NRG1: variants seen among roughly 807,000 people sequenced by gnomAD.
NRG1 encodes neuregulin 1.
Under a neutral mutation model 63.8 loss-of-function variants are expected in NRG1, and 18 were observed. That is an observed-to-expected ratio of 0.28 (90% CI 0.19 to 0.42). The LOEUF is 0.42. Among genes scored for constraint, NRG1 ranks in the 10% least tolerant of loss-of-function variants. The pLI is 1.00. For synonymous variants in NRG1, 302 were observed against 301.3 expected, an observed-to-expected ratio of 1.00 and a Z score of -0.02; for missense variants, 762 against 814.7, an observed-to-expected ratio of 0.94 and a Z score of 0.79.
chr8:32,036,627 C>G (rs1349525196), intron 1 of NRG1, among the ~76,000 whole-genome samples: 1 of 152,150 alleles, frequency 6.6e-6, no homozygotes, highest in Non-Finnish European at 1.5e-5. Context: ...TTTGTTCATT[C>G]CTTTTCATTC....
chr8:31,663,455 A>G (rs1400336612), intron 1 of NRG1, among the ~76,000 whole-genome samples: 5 of 152,096 alleles, frequency 3.3e-5, no homozygotes, highest in African/African-American at 9.7e-5. Context: ...AGGAGGGGCC[A>G]TTCTTTTTTG....
chr8:32,545,937 C>G (rs1041471126), upstream of NRG1, among the ~76,000 whole-genome samples: 1 of 151,882 alleles, frequency 6.6e-6, no homozygotes, highest in Non-Finnish European at 1.5e-5. Flanking sequence ...CTGTCTTTTC[C>G]CCTCCATCAC....
chr8:32,749,607 T>G (rs1489039151), intron 7 of NRG1: 1 of 1,612,152 alleles, frequency 6.2e-7, no homozygotes, highest in Non-Finnish European at 8.5e-7. Context: ...CATCATTCCT[T>G]TTAGCCTGCA....
At chr8:32,000,300 A>G (rs1812709359) in intron 1 of NRG1, among the ~76,000 whole-genome samples, 1 of 151,970 alleles carries the variant, frequency 6.6e-6, no homozygotes, top group Admixed American at 6.6e-5. Context: ...CTACCTTTGC[A>G]AGGTCAGTGT....
intron 1 of NRG1, among the ~76,000 whole-genome samples, chr8:32,345,075 T>A (rs1462730668): frequency 2.0e-5 from 3 of 152,158 alleles, no homozygotes; most frequent in Non-Finnish European, 4.4e-5. Context: ...CCTCTGCAGG[T>A]GATGTAGACA....
intron 1 of NRG1, among the ~76,000 whole-genome samples, chr8:31,981,958 G>C (rs10104419): frequency 0.12 from 18,766 of 151,860 alleles, 3,627 homozygotes; most frequent in African/African-American, 0.41. Context: ...AATGGTAGAG[G>C]TGGTGGGTGA....
intron 1 of NRG1, among the ~76,000 whole-genome samples, chr8:32,095,628 A>G (rs982620143): frequency 2.0e-5 from 3 of 152,174 alleles, no homozygotes; most frequent in East Asian, 1.9e-4. Flanking sequence ...AAATAACTCT[A>G]TGCCTTATGA....
At chr8:32,209,767 T>G (rs560179716) in intron 1 of NRG1, among the ~76,000 whole-genome samples, 29 of 145,098 alleles carry the variant, frequency 2.0e-4, no homozygotes, top group Non-Finnish European at 3.1e-4. Flanking sequence ...CCTTCCTTCC[T>G]TCCTTCCTTC....
At position 32,425,876 on chromosome 8, in the gene NRG1, T is replaced by C. The variant is rs557285175; in HGVS notation, c.38-169952T>C. On this transcript the variant is annotated intron_variant, in intron 1 of 10. Coordinates refer to the NRG1 transcript ENST00000519301. ...TCCCTGGTATCATCATGATGGCATA[T>C]AGAGGCAGGGCTGAGAGCTAGAATA... 5.9e-5 allele frequency among the ~76,000 whole-genome samples: 9 copies of C among 152,272 alleles called. No homozygotes were observed. The South Asian group carries it at 1.5e-3, about 25-fold the overall frequency.
chr8:31,979,772 C>T (rs1039911699), intron 1 of NRG1, among the ~76,000 whole-genome samples: 1 of 151,976 alleles, frequency 6.6e-6, no homozygotes, highest in Non-Finnish European at 1.5e-5. Flanking sequence ...TACAGTAAAA[C>T]TGTATCCCAA....
intron 1 of NRG1, among the ~76,000 whole-genome samples, chr8:31,864,707 G>A (rs1239506964): frequency 6.6e-6 from 1 of 152,194 alleles, no homozygotes; most frequent in East Asian, 1.9e-4. Flanking sequence ...TATTAACTTA[G>A]AACAGTGAGA....
intron 1 of NRG1, among the ~76,000 whole-genome samples, chr8:32,062,305 A>T (rs1824017541): frequency 6.6e-6 from 1 of 152,144 alleles, no homozygotes; most frequent in Non-Finnish European, 1.5e-5. Context: ...TGGAACAGAA[A>T]GAGGTCTTCT....
chr8:32,719,076 G>A (rs1200826903), intron 5 of NRG1, among the ~76,000 whole-genome samples: 1 of 151,942 alleles, frequency 6.6e-6, no homozygotes, highest in African/African-American at 2.4e-5. Context: ...TCCTTTACTT[G>A]TGTTTGACAG....
chr8:32,028,218 T>G (rs112182622), intron 1 of NRG1, among the ~76,000 whole-genome samples: 7 of 152,090 alleles, frequency 4.6e-5, no homozygotes, highest in Non-Finnish European at 7.4e-5. Flanking sequence ...GTCCATACCG[T>G]TTTTTTGGCC....
In NRG1 at chr8:32,364,204, A is replaced by C. The variant is rs1807645458; in HGVS notation, c.38-231624A>C. On this transcript the variant is annotated intron_variant, in intron 1 of 10. Coordinates refer to the NRG1 transcript ENST00000519301. ...CTAAGATAGATGATTGATAGATGAT[A>C]GATCAGTGAATAGATAACCAAACTC... Among the ~76,000 whole-genome samples, 3 of 151,104 alleles carry C rather than the reference A, an allele frequency of 2.0e-5. No individual in the cohort carries two copies. In the Admixed American group the frequency reaches 2.0e-4, roughly 10 times the overall value.
intron 5 of NRG1, among the ~76,000 whole-genome samples, chr8:32,698,601 G>A (rs768016511): frequency 9.2e-5 from 14 of 152,152 alleles, no homozygotes; most frequent in Admixed American, 6.5e-4. Flanking sequence ...CCAAATAAAG[G>A]CCTAGGAGGA....
chr8:32,138,418 C>A (rs1835824056), intron 1 of NRG1, among the ~76,000 whole-genome samples: 1 of 151,778 alleles, frequency 6.6e-6, no homozygotes, highest in Non-Finnish European at 1.5e-5. Context: ...TTTAGGATTT[C>A]ATGTCAAAGA....
chr8:32,511,724 A>C (rs1441166673), intron 1 of NRG1, among the ~76,000 whole-genome samples: 2 of 152,136 alleles, frequency 1.3e-5, no homozygotes, highest in East Asian at 3.9e-4. Context: ...CTCATGGATA[A>C]AAACAATAAG....
chr8:32,502,207 C>T (rs939524543), intron 1 of NRG1, among the ~76,000 whole-genome samples: 1 of 151,776 alleles, frequency 6.6e-6, no homozygotes, highest in African/African-American at 2.4e-5. Flanking sequence ...GTGGAGTAGG[C>T]GTCTTACATG....
Sources: allele counts gnomAD v4.1 joint callset (sites outside exome capture counted in the v4.1 genomes callset), GRCh38; gene constraint gnomAD v4.1.1; transcripts MANE v1.5; gene names NCBI Gene and HGNC (gene_info 2026-07-23, HGNC 2026-07-21).